The following ZC3H12B variants were observed in gnomAD, a reference collection of about 807,000 sequenced individuals.
ZC3H12B encodes the protein zinc finger CCCH-type containing 12B, also known as probable ribonuclease ZC3H12B.
ZC3H12B carries 7 observed loss-of-function variants against 43.9 expected under a neutral mutation model. The ratio of observed to expected loss-of-function variants is 0.16; its 90% CI spans 0.09 to 0.30. The LOEUF (loss-of-function observed/expected upper bound fraction) is 0.30, where lower values mean the gene tolerates loss of function less well. Ranked by LOEUF, ZC3H12B falls within the 10% of genes least tolerant of loss-of-function variation. The pLI, the probability that ZC3H12B is intolerant of heterozygous loss-of-function variation, is 1.00. For missense variants in ZC3H12B, 475 were observed against 670.2 expected (o/e 0.71, Z 3.22); for synonymous variants, 222 against 241.7 (o/e 0.92, Z 0.76).
At chrX:65,274,362 G>C in the ZC3H12B span, among the ~76,000 whole-genome samples, 1 of 110,576 alleles carries the variant, frequency 9.0e-6, no homozygotes, top group Non-Finnish European at 1.9e-5. Flanking sequence ...CAGAGCCTAA[G>C]TGTAGCCTGC....
chrX:65,343,605 C>T, the ZC3H12B span, among the ~76,000 whole-genome samples: 59 of 111,936 alleles, frequency 5.3e-4, no homozygotes, highest in African/African-American at 1.9e-3. Context: ...ATGCAGAAAA[C>T]GATTTTGATA....
At chrX:65,175,480 A>G in the ZC3H12B span, among the ~76,000 whole-genome samples, 1 of 112,432 alleles carries the variant, frequency 8.9e-6, no homozygotes, top group Admixed American at 9.5e-5. Context: ...TTGAAAATAT[A>G]AAGATTGAAA....
chrX:65,103,232 C>G, the ZC3H12B span, among the ~76,000 whole-genome samples: 1 of 111,475 alleles, frequency 9.0e-6, no homozygotes, highest in Non-Finnish European at 1.9e-5. Flanking sequence ...CCTAGGAAAG[C>G]ATTCTCTTTC....
the ZC3H12B span, among the ~76,000 whole-genome samples, chrX:65,073,911 A>G: frequency 6.3e-5 from 7 of 111,026 alleles, no homozygotes; most frequent in Non-Finnish European, 1.3e-4. Context: ...TCTTTCCTCC[A>G]TCCACTCTTA....
chrX:65,400,626 C>T (rs186588378), intron 3 of ZC3H12B, among the ~76,000 whole-genome samples: 30 of 111,416 alleles, frequency 2.7e-4, no homozygotes, highest in South Asian at 3.8e-4. Flanking sequence ...AAGGGGAAGG[C>T]GGGAAAGCAG....
the ZC3H12B span, among the ~76,000 whole-genome samples, chrX:65,059,219 A>AGC: frequency 2.6e-5 from 1 of 38,472 alleles, no homozygotes; most frequent in Admixed American, 3.6e-4. Context: ...TCTTGGAACC[A>AGC]CCCCCCCCCC....
the ZC3H12B span, among the ~76,000 whole-genome samples, chrX:65,072,488 G>A: frequency 8.9e-6 from 1 of 112,453 alleles, no homozygotes; most frequent in Non-Finnish European, 1.9e-5. Flanking sequence ...CAGGTTTCTT[G>A]TGCTGGTTCT....
At chrX:65,120,658 T>C in the ZC3H12B span, among the ~76,000 whole-genome samples, 1 of 111,352 alleles carries the variant, frequency 9.0e-6, no homozygotes, top group Non-Finnish European at 1.9e-5. Context: ...CCTGCCTGAT[T>C]GTCCTGGCCA....
the ZC3H12B span, among the ~76,000 whole-genome samples, chrX:65,043,950 G>A: frequency 2.1e-3 from 235 of 111,733 alleles, no homozygotes; most frequent in Middle Eastern, 4.6e-3. Flanking sequence ...TTTATTGAGC[G>A]TTGCTACATG....
the ZC3H12B span, among the ~76,000 whole-genome samples, chrX:65,151,496 A>T: frequency 8.9e-6 from 1 of 112,033 alleles, no homozygotes; most frequent in Non-Finnish European, 1.9e-5. Context: ...AGTTTGTTTA[A>T]TGGAAATGAA....
chrX:65,236,106 A>G, the ZC3H12B span, among the ~76,000 whole-genome samples: 2 of 112,054 alleles, frequency 1.8e-5, no homozygotes, highest in Non-Finnish European at 3.8e-5. Flanking sequence ...TGTAAAAGGT[A>G]TCTATCAGAA....
the ZC3H12B span, among the ~76,000 whole-genome samples, chrX:65,212,437 A>G: frequency 3.3e-5 from 2 of 59,780 alleles, no homozygotes; most frequent in Non-Finnish European, 5.2e-5. Context: ...ATTATTATAT[A>G]TTATATTATA....
chrX:65,381,730 G>T (rs1252721871), intron 2 of ZC3H12B, among the ~76,000 whole-genome samples: 1 of 111,765 alleles, frequency 8.9e-6, no homozygotes, highest in Admixed American at 9.5e-5. Flanking sequence ...GAAGAAAAGA[G>T]AGTAGAATCA....
chrX:65,092,437 G>A, the ZC3H12B span, among the ~76,000 whole-genome samples: 1 of 111,453 alleles, frequency 9.0e-6, no homozygotes, highest in African/African-American at 3.3e-5. Context: ...GGGAAAATTT[G>A]GAAATCCCTA....
intron 2 of ZC3H12B, among the ~76,000 whole-genome samples, chrX:65,375,267 C>A (rs1297184166): frequency 2.7e-5 from 3 of 112,010 alleles, no homozygotes; most frequent in African/African-American, 9.7e-5. Flanking sequence ...AGACCAGCCC[C>A]AGCCAGAGGG....
chrX:65,232,167 G>T, the ZC3H12B span, among the ~76,000 whole-genome samples: 1 of 111,382 alleles, frequency 9.0e-6, no homozygotes. Flanking sequence ...TGTGAACCCA[G>T]AAGGCAGTGC....
At chrX:65,049,510 A>C in the ZC3H12B span, among the ~76,000 whole-genome samples, 1 of 111,137 alleles carries the variant, frequency 9.0e-6, no homozygotes, top group African/African-American at 3.3e-5. Context: ...TGGGCTCACT[A>C]TTCTTTTCGA....
At chrX:65,342,830 A>T in the ZC3H12B span, among the ~76,000 whole-genome samples, 3 of 96,158 alleles carry the variant, frequency 3.1e-5, no homozygotes, top group Non-Finnish European at 5.9e-5. Flanking sequence ...ATTGCAGGAG[A>T]CTGAGACAAA....
At chrX:65,306,380 T>C in the ZC3H12B span, among the ~76,000 whole-genome samples, 2 of 111,592 alleles carry the variant, frequency 1.8e-5, no homozygotes, top group East Asian at 5.6e-4. Context: ...TTATGTATTA[T>C]TTTTTTCTTA....
Sources: gnomAD v4.1 joint callset for allele counts (sites outside exome capture counted in the v4.1 genomes callset) on GRCh38, gnomAD v4.1.1 for gene constraint, MANE v1.5 for transcripts, NCBI Gene and HGNC (gene_info 2026-07-23, HGNC 2026-07-21) for gene names.